ZNF516: variants seen among roughly 807,000 people sequenced by gnomAD.
The protein encoded by ZNF516 is zinc finger protein 516.
Under a neutral mutation model 79.7 loss-of-function variants are expected in ZNF516, and 19 were observed. That is an observed-to-expected ratio of 0.24 (90% CI 0.17 to 0.35). ZNF516 has a LOEUF of 0.35. Among genes scored for constraint, ZNF516 ranks in the 10% least tolerant of loss-of-function variants. The probability of loss-of-function intolerance (pLI) is 1.00; values close to 1 mark genes in which losing one functional copy is unlikely to be tolerated. For synonymous variants in ZNF516, 877 were observed against 739.5 expected (o/e 1.19, Z -3.02); for missense variants, 1,678 against 1,679.5 (o/e 1.00, Z 0.02).
intron 6 of ZNF516, 139 bp from the exon 7 acceptor site, chr18:76,362,696 C>T (rs781374674): frequency 1.3e-6 from 1 of 744,996 alleles, no homozygotes; most frequent in Non-Finnish European, 2.2e-6. Context: ...ACCAAGTAGG[C>T]GAAGACCCCC....
rs566996458 is a variant in ZNF516 at position 76,451,980 on chromosome 18, C to T, written c.-157-8769G>A. Among the ~76,000 whole-genome samples the T allele has an allele frequency of 3.4e-4, 52 of 152,240 alleles. No homozygotes were observed. The highest frequency in any genetic ancestry group is 1.3e-3 in the African/African-American group (52 of 41,530). ...TCACTATTGGGAGAGTAAGTACGGC[C>T]GATGACAGGCCTGGAGGCGGCTGCT... On this transcript the variant is annotated intron_variant, in intron 2 of 6. Coordinates refer to ENST00000443185, the MANE Select transcript of ZNF516 (RefSeq NM_014643.4). This position sits in a 1 kb window ranked among gnomAD's most constrained non-coding sequence, Gnocchi z 6.0.
At chr18:76,382,994 C>T (rs2074918028) in intron 3 of ZNF516, among the ~76,000 whole-genome samples, 1 of 148,630 alleles carries the variant, frequency 6.7e-6, no homozygotes, top group Non-Finnish European at 1.5e-5. Flanking sequence ...CGAGATGGCG[C>T]CACTGCACTC....
Position 76,361,949 on chromosome 18 carries a change from CTCT to C in ZNF516, c.*546_*548del, listed in dbSNP as rs2074544374. On this transcript the variant is annotated 3_prime_UTR_variant, in exon 7 of 7. Coordinates refer to ENST00000443185, the MANE Select transcript of ZNF516 (RefSeq NM_014643.4). ...CACCTGAACGTCACCTCCTTCCTCTCTCTTATTTACTATTTTAAATACCCACTA... is the reference window on the plus strand; with the variant it reads ...CACCTGAACGTCACCTCCTTCCTCTCTATTTACTATTTTAAATACCCACTA... 1 of 152,354 alleles carries C rather than the reference CTCT, an allele frequency of 6.6e-6. No individual in the cohort carries two copies. Among genetic ancestry groups the C allele is most frequent in the African/African-American group, 2.4e-5 (1 of 41,444 alleles). The allele number at this position is 152,354 out of a possible 1,614,324, so 9.4% of individuals were successfully genotyped here. A position where few individuals can be genotyped will look rare whatever the true frequency, so the allele number is the denominator to read the frequency against.
Position 76,493,213 on chromosome 18 carries a change from A to C in ZNF516, c.-272+1931T>G. Reference sequence around the variant, plus strand: ...CCTTCTTTAAGGAGGGAGGCGTCAGACGATATCCATTTAAATATATTTTGT... The same window carrying C: ...CCTTCTTTAAGGAGGGAGGCGTCAGCCGATATCCATTTAAATATATTTTGT... On this transcript the variant is annotated intron_variant, in intron 1 of 6. Coordinates refer to ENST00000443185, the MANE Select transcript of ZNF516 (RefSeq NM_014643.4). The surrounding 1 kb of genome is among the most constrained non-coding windows in gnomAD (Gnocchi z 5.2). 1.0e-6 allele frequency: 1 copy of C among 971,306 alleles called. No homozygotes were observed. The highest frequency in any genetic ancestry group is 1.2e-6 in the Non-Finnish European group (1 of 817,294). The allele number at this position is 971,306 out of a possible 1,614,324, so 60.2% of individuals were successfully genotyped here.
upstream of ZNF516, chr18:76,496,256 G>T (rs972909564): frequency 3.9e-6 from 5 of 1,282,214 alleles, no homozygotes; most frequent in Middle Eastern, 2.2e-4. Flanking sequence ...CTGCGGAGGG[G>T]TAACACTATC....
chr18:76,485,934 A>AATAATAATAATAAT, intron 1 of ZNF516, among the ~76,000 whole-genome samples: 1 of 96,140 alleles, frequency 1.0e-5, no homozygotes, highest in Admixed American at 1.1e-4. Flanking sequence ...ATAATAATAA[A>AATAATAATAATAAT]CATACTTTTT....
chr18:76,450,672 T>C (rs1912352051), intron 2 of ZNF516, among the ~76,000 whole-genome samples: 1 of 152,154 alleles, frequency 6.6e-6, no homozygotes, highest in Admixed American at 6.5e-5. Flanking sequence ...TTCCTAACTA[T>C]CCTTCCCAGC....
At chr18:76,486,453 C>A (rs1376080870) in intron 1 of ZNF516, among the ~76,000 whole-genome samples, 1 of 152,208 alleles carries the variant, frequency 6.6e-6, no homozygotes, top group East Asian at 1.9e-4. Flanking sequence ...GTGTTAATAG[C>A]GCTGAAAAAT....
chr18:76,477,827 CTTTAAGAAGATGCTT>C (rs1039598902), intron 1 of ZNF516, among the ~76,000 whole-genome samples: 1 of 152,016 alleles, frequency 6.6e-6, no homozygotes, highest in African/African-American at 2.4e-5. Flanking sequence ...TTCTCATCTC[CTTTAAGAAGATGCTT>C]TAAGAAGCAT....
In ZNF516 at chr18:76,441,249, T is replaced by C. The variant is rs2075813797; in HGVS notation, c.1806A>G (p.Ala602=). ...CACCTGGGTACACTTGCTCACCTGGTGCAGGTTCAGGGGCGCCCTCCTCAC... is the reference window on the plus strand; with the variant it reads ...CACCTGGGTACACTTGCTCACCTGGCGCAGGTTCAGGGGCGCCCTCCTCAC... ...DSGEEGAPEP[A]PGGQPRRCCF... The change falls in exon 3 of 7, where the codon GCA becomes GCG. Residue 602 remains alanine, a synonymous_variant. Coordinates refer to ENST00000443185, the MANE Select transcript of ZNF516 (RefSeq NM_014643.4). 1 of 1,609,012 alleles carries C rather than the reference T, an allele frequency of 6.2e-7. No individual in the cohort carries two copies. The highest frequency in any genetic ancestry group is 8.5e-7 in the Non-Finnish European group (1 of 1,178,678).
intron 3 of ZNF516, among the ~76,000 whole-genome samples, chr18:76,412,081 G>C (rs757523596): frequency 2.0e-5 from 3 of 152,200 alleles, no homozygotes; most frequent in Non-Finnish European, 2.9e-5. Flanking sequence ...CAAAATGCAA[G>C]AGCAGCCCAG....
chr18:76,459,505 G>A lies in ZNF516; in HGVS notation c.-158+3523C>T, dbSNP rs1482074902. Among the ~76,000 whole-genome samples the A allele has an allele frequency of 2.0e-5, 3 of 152,228 alleles. No individual in the cohort carries two copies. The highest frequency in any genetic ancestry group is 2.9e-5 in the Non-Finnish European group (2 of 68,044). The stretch of plus-strand genomic sequence containing the variant: ...GCCCAGGATTTGTGCCATTCAGGAC[G>A]TGGCGGCCGTGTGCACCCCATCGGG... On this transcript the variant is annotated intron_variant, in intron 2 of 6. Coordinates refer to ENST00000443185, the MANE Select transcript of ZNF516 (RefSeq NM_014643.4). The surrounding 1 kb of genome is among the most constrained non-coding windows in gnomAD (Gnocchi z 5.0).
intron 3 of ZNF516, among the ~76,000 whole-genome samples, chr18:76,405,344 C>T (rs558868775): frequency 2.6e-5 from 4 of 152,144 alleles, no homozygotes; most frequent in Admixed American, 6.5e-5. Flanking sequence ...GCGATCCTCC[C>T]GCCTCAGCCT....
At chr18:76,428,827 T>C (rs573301946) in intron 3 of ZNF516, among the ~76,000 whole-genome samples, 1 of 152,370 alleles carries the variant, frequency 6.6e-6, no homozygotes, top group South Asian at 2.1e-4. Flanking sequence ...TCGGGATTTC[T>C]TTGCAATGTG....
At position 76,459,325 on chromosome 18, in the gene ZNF516, T is replaced by G. The variant is rs1912950983; in HGVS notation, c.-158+3703A>C. On this transcript the variant is annotated intron_variant, in intron 2 of 6. Coordinates refer to ENST00000443185, the MANE Select transcript of ZNF516 (RefSeq NM_014643.4). The surrounding 1 kb of genome is among the most constrained non-coding windows in gnomAD (Gnocchi z 5.0). ...GGAAATCCTGGGCCGGTGACAGCCC[T>G]GACCCGTGGCCACCATCCACTCAAC... is the stretch of plus-strand genomic sequence containing the variant. 6.6e-6 allele frequency among the ~76,000 whole-genome samples: 1 copy of G among 152,212 alleles called. No individual in the cohort carries two copies. Among genetic ancestry groups the G allele is most frequent in the East Asian group, 1.9e-4 (1 of 5,190 alleles).
At chr18:76,475,758 C>G (rs1196882766) in intron 1 of ZNF516, among the ~76,000 whole-genome samples, 2 of 151,990 alleles carry the variant, frequency 1.3e-5, no homozygotes, top group African/African-American at 4.8e-5. Flanking sequence ...ACAACAGCAC[C>G]CTACACATGC....
chr18:76,432,951 C>T (rs1022635651), intron 3 of ZNF516, among the ~76,000 whole-genome samples: 4 of 151,872 alleles, frequency 2.6e-5, no homozygotes, highest in African/African-American at 9.7e-5. Context: ...GGGAAGAAGG[C>T]GACCTCCCCA....
intron 3 of ZNF516, among the ~76,000 whole-genome samples, chr18:76,424,970 G>A (rs73975423): frequency 0.022 from 2,549 of 117,330 alleles, 63 homozygotes; most frequent in African/African-American, 0.079. Flanking sequence ...GGCTCCCCCC[G>A]AAACACACAC....
intron 3 of ZNF516, among the ~76,000 whole-genome samples, chr18:76,395,859 G>T (rs2075138214): frequency 6.6e-6 from 1 of 152,184 alleles, no homozygotes; most frequent in South Asian, 2.1e-4. Flanking sequence ...CAGGAGCCAA[G>T]TGTTTCAGGG....
Sources: allele counts gnomAD v4.1 joint callset (sites outside exome capture counted in the v4.1 genomes callset), GRCh38; gene constraint gnomAD v4.1.1; non-coding constraint Gnocchi (gnomAD v3.1); transcripts MANE v1.5; gene names NCBI Gene and HGNC (gene_info 2026-07-23, HGNC 2026-07-21).